The following RANBP2 variants were observed in gnomAD, a reference collection of about 807,000 sequenced individuals.
RANBP2 encodes RAN binding protein 2.
Under a neutral mutation model 303.6 loss-of-function variants are expected in RANBP2, and 57 were observed. That is an observed-to-expected ratio of 0.19 (90% CI 0.15 to 0.23). The LOEUF is 0.23. RANBP2 is among the 10% of genes least tolerant of loss of function. The probability of loss-of-function intolerance (pLI) is 1.00; values close to 1 mark genes in which losing one functional copy is unlikely to be tolerated. For missense variants in RANBP2, 3,138 were observed against 3,780.8 expected (o/e 0.83, Z 4.46); for synonymous variants, 1,167 against 1,301.5 (o/e 0.90, Z 2.23).
chr2:109,129,682 G>C, the RANBP2 span: 3 of 1,524,570 alleles, frequency 2.0e-6, no homozygotes, highest in Non-Finnish European at 2.6e-6. Context: ...GGACATGGAC[G>C]AGTCGTCGCT....
At chr2:109,025,375 C>T in the RANBP2 span, among the ~76,000 whole-genome samples, 1 of 151,994 alleles carries the variant, frequency 6.6e-6, no homozygotes, top group Non-Finnish European at 1.5e-5. Context: ...AGTGGAGTTT[C>T]TATTCTTTTT....
chr2:109,147,256 A>G, the RANBP2 span, among the ~76,000 whole-genome samples: 1 of 152,128 alleles, frequency 6.6e-6, no homozygotes, highest in South Asian at 2.1e-4. Flanking sequence ...TTTGCTCGAA[A>G]GATGTAAATA....
chr2:109,614,498 G>A, the RANBP2 span: 9 of 1,247,356 alleles, frequency 7.2e-6, no homozygotes, highest in Admixed American at 3.5e-4. Context: ...GGATGGAGGG[G>A]CCGGCAGAGT....
the RANBP2 span, among the ~76,000 whole-genome samples, chr2:108,998,114 G>A: frequency 2.6e-5 from 4 of 152,126 alleles, no homozygotes; most frequent in Non-Finnish European, 5.9e-5. Flanking sequence ...TTCTTGCCTA[G>A]GTCACCAGGG....
chr2:108,765,847 G>T lies in RANBP2; in HGVS notation c.5308G>T (p.Ala1770Ser). ...STPASSEISK[A>S]PKSGFEGMFI... Reference sequence around the variant, plus strand: ...ACCTGCCTCTTCGGAGATAAGCAAGGCTCCAAAGAGTGGATTTGAAGGAAT... The same window carrying T: ...ACCTGCCTCTTCGGAGATAAGCAAGTCTCCAAAGAGTGGATTTGAAGGAAT... Residue 1770 changes from alanine to serine, a missense_variant, in exon 20 of 29, where the codon GCT (alanine) becomes TCT (serine). By Grantham distance (99) the Ala-to-Ser change is moderately conservative. Around this residue, in one of 20 missense-constraint regions of RANBP2, gnomAD observed 348 missense variants for 360.4 expected, o/e 0.97. Coordinates refer to ENST00000283195, the MANE Select transcript of RANBP2 (RefSeq NM_006267.5). 1 of 1,614,124 alleles carries T rather than the reference G, an allele frequency of 6.2e-7. No individual in the cohort carries two copies. The highest frequency in any genetic ancestry group is 8.5e-7 in the Non-Finnish European group (1 of 1,179,978).
chr2:108,876,911 G>C, the RANBP2 span, among the ~76,000 whole-genome samples: 1 of 152,178 alleles, frequency 6.6e-6, no homozygotes, highest in Non-Finnish European at 1.5e-5. Flanking sequence ...AGCCAAAGAT[G>C]AGTAAAGTGG....
the RANBP2 span, among the ~76,000 whole-genome samples, chr2:109,290,971 T>C: frequency 6.6e-6 from 1 of 152,242 alleles, no homozygotes; most frequent in African/African-American, 2.4e-5. Flanking sequence ...ATATGCCGGG[T>C]ACATAGTAGG....
chr2:109,609,176 A>T, the RANBP2 span, among the ~76,000 whole-genome samples: 1 of 152,238 alleles, frequency 6.6e-6, no homozygotes, highest in African/African-American at 2.4e-5. Flanking sequence ...TCATTAGAAC[A>T]TAAGTGTAGA....
chr2:109,516,257 C>A, the RANBP2 span, among the ~76,000 whole-genome samples: 3 of 152,184 alleles, frequency 2.0e-5, no homozygotes, highest in Non-Finnish European at 4.4e-5. Flanking sequence ...ACCTAAGTCC[C>A]ACCCCCTGTG....
chr2:109,420,708 A>G, the RANBP2 span, among the ~76,000 whole-genome samples: 2 of 152,054 alleles, frequency 1.3e-5, no homozygotes, highest in Admixed American at 6.5e-5. Flanking sequence ...GCCTCCCTAA[A>G]TGCTGGGATT....
chr2:108,782,476 T>C (rs758842021), intron 27 of RANBP2, 52 bp from the exon 28 acceptor site: 19 of 1,613,316 alleles, frequency 1.2e-5, no homozygotes, highest in African/African-American at 6.7e-5. Context: ...AAACAACTTA[T>C]AACAGTTATT....
At chr2:109,369,067 G>A in the RANBP2 span, among the ~76,000 whole-genome samples, 7 of 152,242 alleles carry the variant, frequency 4.6e-5, no homozygotes, top group East Asian at 7.7e-4. Context: ...ACACTTGGCC[G>A]GGCATGGTGG....
chr2:108,973,373 G>A, the RANBP2 span, among the ~76,000 whole-genome samples: 15 of 152,234 alleles, frequency 9.9e-5, no homozygotes, highest in Non-Finnish European at 1.9e-4. Context: ...AGGGCAGGAG[G>A]GCGGTGCAGA....
chr2:108,986,949 G>A, the RANBP2 span, among the ~76,000 whole-genome samples: 20 of 152,184 alleles, frequency 1.3e-4, no homozygotes, highest in African/African-American at 3.1e-4. Flanking sequence ...CTATTGGTGG[G>A]TGGAATACCT....
intron 1 of RANBP2, among the ~76,000 whole-genome samples, chr2:108,725,070 A>T (rs1008406370): frequency 1.3e-5 from 2 of 152,182 alleles, no homozygotes; most frequent in African/African-American, 4.8e-5. Flanking sequence ...GATAGAGATG[A>T]TGTGGCATCT....
the RANBP2 span, among the ~76,000 whole-genome samples, chr2:109,516,088 A>AT: frequency 2.0e-5 from 3 of 152,184 alleles, no homozygotes. Flanking sequence ...AATGGTTATG[A>AT]TTCAGGGGTC....
chr2:109,038,354 G>C, the RANBP2 span, among the ~76,000 whole-genome samples: 1 of 151,954 alleles, frequency 6.6e-6, no homozygotes, highest in African/African-American at 2.4e-5. Flanking sequence ...TTTTGCTCTG[G>C]CCAAGTGTGG....
chr2:109,120,481 C>T, the RANBP2 span, among the ~76,000 whole-genome samples: 2 of 152,144 alleles, frequency 1.3e-5, no homozygotes, highest in Non-Finnish European at 2.9e-5. Context: ...GCCAGGTTGG[C>T]CTTCCCATGA....
At chr2:109,376,294 C>G in the RANBP2 span, among the ~76,000 whole-genome samples, 1 of 152,220 alleles carries the variant, frequency 6.6e-6, no homozygotes, top group Non-Finnish European at 1.5e-5. Flanking sequence ...GACACAGGTC[C>G]AGGGTGTGGA....
Sources: gnomAD v4.1 joint callset for allele counts (sites outside exome capture counted in the v4.1 genomes callset) on GRCh38, gnomAD v4.1.1 for gene constraint, gnomAD v4.1.1 regional missense constraint, MANE v1.5 for transcripts, NCBI Gene and HGNC (gene_info 2026-07-23, HGNC 2026-07-21) for gene names.